MED12: variants seen among roughly 807,000 people sequenced by gnomAD.
MED12 encodes mediator complex subunit 12.
MED12 carries 10 observed loss-of-function variants against 177.7 expected under a neutral mutation model. The ratio of observed to expected loss-of-function variants is 0.06; its 90% CI spans 0.03 to 0.10. MED12 has a LOEUF of 0.10. MED12 is among the 10% of genes least tolerant of loss of function. MED12 has a pLI of 1.00. For synonymous variants in MED12, 641 were observed against 678.4 expected (o/e 0.94, Z 0.86); for missense variants, 867 against 1,780.8 (o/e 0.49, Z 9.23).
In MED12 at chrX:71,136,391, G is replaced by A. The variant is rs1394557909; in HGVS notation, c.5136G>A (p.Arg1712=). 1 of 1,211,358 alleles carries A rather than the reference G, an allele frequency of 8.3e-7. No homozygotes were observed. Among genetic ancestry groups the A allele is most frequent in the Admixed American group, 2.2e-5 (1 of 46,033 alleles). The change falls in exon 37 of 45, where the codon CGG becomes CGA. Residue 1712 remains arginine (R), a synonymous_variant. Coordinates refer to ENST00000374080, the MANE Select transcript of MED12 (RefSeq NM_005120.3). ...WGWFGTVRVD[R]RVARGEEQQR... is the part of the protein sequence containing the mutation. ...GGTTTGGAACAGTCCGAGTGGACCG[G>A]CGAGTGGCTCGAGGAGAGGAGCAGC...
At chrX:71,134,503 C>T (rs1025233395) in intron 34 of MED12, 37 bp downstream of exon 34, 10 of 961,483 alleles carry the variant, frequency 1.0e-5, no homozygotes, top group African/African-American at 3.9e-5. Flanking sequence ...AGTTTCATAC[C>T]CAAGAAGCTC....
At chrX:71,122,944 A>G in intron 10 of MED12, 70 bp downstream of exon 10, 1 of 1,158,978 alleles carries the variant, frequency 8.6e-7, no homozygotes, top group Non-Finnish European at 1.2e-6. Context: ...GAGGGAAGTC[A>G]TGGTGAGGCA....
intron 29 of MED12, among the ~76,000 whole-genome samples, 190 bp from the exon 30 acceptor site, chrX:71,131,883 G>A (rs1282835224): frequency 1.8e-5 from 2 of 111,357 alleles, no homozygotes; most frequent in Non-Finnish European, 3.8e-5. Context: ...ATGTAAAGGA[G>A]AAGACAGTGA....
At chrX:71,125,200 A>C in intron 15 of MED12, 54 bp downstream of exon 15, 1 of 1,200,861 alleles carries the variant, frequency 8.3e-7, no homozygotes, top group Admixed American at 2.2e-5. Flanking sequence ...ATTGCTGTCA[A>C]AGGAATTTGC....
chrX:71,134,589 C>T lies in MED12; in HGVS notation c.4727+123C>T. Reference sequence around the variant, plus strand: ...GTGGACTCCGTGGCCCTGGGCTCCCCATACAGTTTTGGTGCCCTTGGGATG... The same window carrying T: ...GTGGACTCCGTGGCCCTGGGCTCCCTATACAGTTTTGGTGCCCTTGGGATG... On this transcript the variant is annotated intron_variant, in intron 34 of 44. Coordinates refer to ENST00000374080, the MANE Select transcript of MED12 (RefSeq NM_005120.3). 4.9e-6 allele frequency: 5 copies of T among 1,027,681 alleles called. No homozygotes were observed. The South Asian group carries it at 7.6e-5, about 16-fold the overall frequency. 84.7% of individuals were successfully genotyped at this position (1,027,681 alleles called of 1,213,427 possible).
intron 4 of MED12, 126 bp downstream of exon 4, chrX:71,120,296 A>T: frequency 1.3e-6 from 1 of 771,354 alleles, no homozygotes; most frequent in Admixed American, 2.4e-5. Context: ...TTGTTTGATC[A>T]GTAAACACTG....
At chrX:71,131,931 T>G in intron 29 of MED12, 142 bp from the exon 30 acceptor site, 1 of 567,676 alleles carries the variant, frequency 1.8e-6, no homozygotes, top group Non-Finnish European at 3.1e-6. Flanking sequence ...AGGGCATGAT[T>G]CCCAACAGAG....
At chrX:71,140,245 A>G (rs1395579388) in intron 41 of MED12, among the ~76,000 whole-genome samples, 1 of 104,543 alleles carries the variant, frequency 9.6e-6, no homozygotes, top group African/African-American at 3.5e-5. Context: ...ACGCTCAGCT[A>G]TTTTTTTTTG....
At position 71,135,742 on chromosome X, in the gene MED12, G is replaced by A. The variant is rs1381406119; in HGVS notation, c.5025+489G>A. Among the ~76,000 whole-genome samples, 53 of 111,416 alleles carry A rather than the reference G, an allele frequency of 4.8e-4. 2 individuals are homozygous for A. In the Admixed American group the frequency reaches 5.0e-3, roughly 11 times the overall value. The stretch of plus-strand genomic sequence containing the variant: ...TACATTCTCTTCATCTGTCTTCCTA[G>A]TCCATCTGTCTCTTTTCCTCCGTCT... On this transcript the variant is annotated intron_variant, in intron 36 of 44. Transcript: ENST00000374080.
At chrX:71,124,019 A>G (rs1463869277) in intron 12 of MED12, 140 bp from the exon 13 acceptor site, 45 of 566,197 alleles carry the variant, frequency 7.9e-5, no homozygotes, top group Non-Finnish European at 1.3e-4. Flanking sequence ...CATGTGGGGT[A>G]ACCAACCACA....
chrX:71,118,936 G>A (rs1167003567), intron 1 of MED12, 83 bp downstream of exon 1: 42 of 905,657 alleles, frequency 4.6e-5, no homozygotes, highest in Non-Finnish European at 5.8e-5. Flanking sequence ...GGAATGGGGG[G>A]CGGGGCGGTT....
At chrX:71,126,853 G>C (rs1487296744) in intron 19 of MED12, 116 bp from the exon 20 acceptor site, 1 of 727,751 alleles carries the variant, frequency 1.4e-6, no homozygotes, top group South Asian at 2.2e-5. Context: ...TCTATCCTGT[G>C]GTGGCTCCAG....
Position 71,121,669 on chromosome X carries a change from T to C in MED12, c.954T>C (p.His318=), listed in dbSNP as rs1401239107. 2 of 1,211,419 alleles carry C rather than the reference T, an allele frequency of 1.7e-6. No individual in the cohort carries two copies. Among genetic ancestry groups the C allele is most frequent in the Admixed American group, 2.2e-5 (1 of 45,994 alleles). The change falls in exon 7 of 45, where the codon CAT becomes CAC. Residue 318 remains histidine (H), a synonymous_variant. Coordinates refer to ENST00000374080, the MANE Select transcript of MED12 (RefSeq NM_005120.3). ...ATGGTGTGAGCAGTCACTCATCTCA[T>C]GTTATATCTGCTCAGTCAACAAGCA... ...QLDGVSSHSS[H]VISAQSTSTL...
Position 71,136,364 on chromosome X carries a change from C to A in MED12, c.5109C>A (p.Gly1703=). The change falls in exon 37 of 45, where the codon GGC becomes GGA. Residue 1703 remains glycine (G), a synonymous_variant. Transcript: ENST00000374080. ...AGCCGTCAGCACCACTCTCTTGGGG[C>A]TGGTTTGGAACAGTCCGAGTGGACC... ...GLKPSAPLSW[G]WFGTVRVDRR... 1 of 1,211,744 alleles carries A rather than the reference C, an allele frequency of 8.3e-7. No individual in the cohort carries two copies. Among genetic ancestry groups the A allele is most frequent in the Non-Finnish European group, 1.1e-6 (1 of 895,501 alleles).
At chrX:71,125,637 T>TGGGGGGGGGGGGGGG in intron 16 of MED12, 26 bp from the exon 17 acceptor site, 1 of 1,092,085 alleles carries the variant, frequency 9.2e-7, no homozygotes, top group Non-Finnish European at 1.3e-6. Context: ...TTTTGAAACT[T>TGGGGGGGGGGGGGGG]CCCCCCTCAT....
At chrX:71,135,537 C>T (rs1377041204) in intron 36 of MED12, among the ~76,000 whole-genome samples, 3 of 111,392 alleles carry the variant, frequency 2.7e-5, no homozygotes, top group Admixed American at 1.9e-4. Context: ...CCACCTGCCC[C>T]ATGTCCTACC....
chrX:71,124,898 G>A, intron 14 of MED12, 54 bp downstream of exon 14: 1 of 1,186,242 alleles, frequency 8.4e-7, no homozygotes, highest in East Asian at 3.0e-5. Context: ...TTCCCATTAT[G>A]CCTGCTTTTG....
At chrX:71,122,429 G>C in intron 8 of MED12, 79 bp from the exon 9 acceptor site, 1 of 1,187,018 alleles carries the variant, frequency 8.4e-7, no homozygotes, top group Non-Finnish European at 1.1e-6. Flanking sequence ...TTGGAGTCTA[G>C]TACTATTCTT....
chrX:71,127,246 G>T (rs1352029885), intron 20 of MED12, 90 bp from the exon 21 acceptor site: 1 of 1,168,718 alleles, frequency 8.6e-7, no homozygotes. Context: ...GCTCAGGTGG[G>T]AAAAGAATGG....
Sources: allele counts gnomAD v4.1 joint callset (sites outside exome capture counted in the v4.1 genomes callset), GRCh38; gene constraint gnomAD v4.1.1; transcripts MANE v1.5; gene names NCBI Gene and HGNC (gene_info 2026-07-23, HGNC 2026-07-21).